Variants in MAPK10 observed in about 807,000 individuals in gnomAD.
The protein encoded by MAPK10 is mitogen-activated protein kinase 10, also known as JNK3 alpha protein kinase.
Under a neutral mutation model 59.3 loss-of-function variants are expected in MAPK10, and 25 were observed. That is an observed-to-expected ratio of 0.42 (90% CI 0.31 to 0.59). The LOEUF is 0.59. Ranked by LOEUF, MAPK10 falls within the 20% of genes least tolerant of loss-of-function variation. The pLI is 0.15. For synonymous variants in MAPK10, 190 were observed against 200.5 expected (o/e 0.95, Z 0.44); for missense variants, 351 against 568.9 (o/e 0.62, Z 3.90).
intron 1 of MAPK10, among the ~76,000 whole-genome samples, chr4:86,519,269 G>C (rs560471083): frequency 6.6e-6 from 1 of 152,258 alleles, no homozygotes; most frequent in African/African-American, 2.4e-5. Flanking sequence ...ACGTCTAGTA[G>C]TAATTGTTTT....
At chr4:86,167,992 C>T (rs2072436381) in intron 3 of MAPK10, among the ~76,000 whole-genome samples, 1 of 152,148 alleles carries the variant, frequency 6.6e-6, no homozygotes, top group African/African-American at 2.4e-5. Flanking sequence ...TTGTCTCAGC[C>T]AAAAAGCTTA....
chr4:86,420,427 C>A (rs1189732836), intron 1 of MAPK10, among the ~76,000 whole-genome samples: 2 of 152,162 alleles, frequency 1.3e-5, no homozygotes, highest in African/African-American at 4.8e-5. Context: ...CAGTATCTCA[C>A]AAGTCCAAGG....
chr4:86,460,355 G>A (rs1165841006), intron 1 of MAPK10, among the ~76,000 whole-genome samples: 6 of 152,160 alleles, frequency 3.9e-5, no homozygotes. Context: ...AGGAGAGAAG[G>A]CATAGAAAAC....
At position 86,501,756 on chromosome 4, in the gene MAPK10, T is replaced by G. The variant is rs183439902; in HGVS notation, c.-263+92154A>C. 4.0e-3 allele frequency among the ~76,000 whole-genome samples: 601 copies of G among 151,978 alleles called. 16 individuals are homozygous for G. Among genetic ancestry groups the G allele is most frequent in the Non-Finnish European group, 1.2e-3 (81 of 67,916 alleles). Reference sequence around the variant, plus strand: ...TGTCAGTTTTGAAAGACATACCAACTGGGTTCAACATTACATTGTGTCAGA... The same window carrying G: ...TGTCAGTTTTGAAAGACATACCAACGGGGTTCAACATTACATTGTGTCAGA... On this transcript the variant is annotated intron_variant, in intron 1 of 4. Transcript: ENST00000502302.
Position 86,017,056 on chromosome 4 carries a change from C to A in MAPK10, c.*172G>T. The A allele has an allele frequency of 1.5e-6, 1 of 686,690 alleles. No homozygotes were observed. Among genetic ancestry groups the A allele is most frequent in the South Asian group, 2.0e-5 (1 of 50,032 alleles). The allele number at this position is 686,690 out of a possible 1,614,324, so 42.5% of individuals were successfully genotyped here. A position where few individuals can be genotyped will look rare whatever the true frequency, so the allele number is the denominator to read the frequency against. On this transcript the variant is annotated 3_prime_UTR_variant, in exon 14 of 14. Coordinates refer to ENST00000641462, the MANE Select transcript of MAPK10 (RefSeq NM_138982.4). The surrounding 1 kb of genome is among the most constrained non-coding windows in gnomAD (Gnocchi z 4.4). The stretch of plus-strand genomic sequence containing the variant: ...TTTGAGCTTAGCTGCAATACAGAAC[C>A]CTGGGGAAGAAGCAGGCTGAAAGAT...
intron 4 of MAPK10, among the ~76,000 whole-genome samples, chr4:86,149,051 T>C (rs2065718105): frequency 6.6e-6 from 1 of 152,176 alleles, no homozygotes. Context: ...CAGCCAATAA[T>C]ATTCATGACA....
At chr4:86,167,334 T>A (rs7663388) in intron 3 of MAPK10, among the ~76,000 whole-genome samples, 22,799 of 152,072 alleles carry the variant, frequency 0.15, 1,793 homozygotes, top group African/African-American at 0.2. Context: ...TTCCAAACAA[T>A]TGAAAAGGAG....
At chr4:86,224,284 A>G (rs2090218802) in intron 2 of MAPK10, among the ~76,000 whole-genome samples, 1 of 152,184 alleles carries the variant, frequency 6.6e-6, no homozygotes, top group South Asian at 2.1e-4. Context: ...AGAAATGTAA[A>G]TTTTCAACTG....
Position 86,548,437 on chromosome 4 carries a change from G to A in MAPK10, c.-263+45473C>T, listed in dbSNP as rs189055900. On this transcript the variant is annotated intron_variant, in intron 1 of 4. Transcript: ENST00000502302. ...GTGAGACCAAGAACCCACCAATTCC[G>A]GACACAATAGTAGATAACTGCTATG... Among the ~76,000 whole-genome samples, 321 of 152,222 alleles carry A rather than the reference G, an allele frequency of 2.1e-3. 1 individual carries two copies. Among genetic ancestry groups the A allele is most frequent in the African/African-American group, 7.3e-3 (302 of 41,524 alleles).
chr4:86,159,534 G>T, intron 3 of MAPK10, 67 bp from the exon 4 acceptor site: 1 of 1,343,992 alleles, frequency 7.4e-7, no homozygotes, highest in South Asian at 1.4e-5. Flanking sequence ...GAGATGTACA[G>T]AAACTTGTTC....
rs111971622 is a variant in MAPK10, at chr4:86,214,070, T to C, written c.-6-19663A>G. 2.3e-4 allele frequency among the ~76,000 whole-genome samples: 35 copies of C among 152,188 alleles called. No homozygotes were observed. The Middle Eastern group carries it at 0.01, about 44-fold the overall frequency. On this transcript the variant is annotated intron_variant, in intron 2 of 13. Coordinates refer to ENST00000641462, the MANE Select transcript of MAPK10 (RefSeq NM_138982.4). ...ATTTATTGCTAGAATGCAAGGATGGTTCAACATACAAAAATCAATCTATGT... is the reference window on the plus strand; with the variant it reads ...ATTTATTGCTAGAATGCAAGGATGGCTCAACATACAAAAATCAATCTATGT...
chr4:86,234,905 A>G (rs1347638647), intron 2 of MAPK10, among the ~76,000 whole-genome samples: 2 of 152,202 alleles, frequency 1.3e-5, no homozygotes, highest in African/African-American at 4.8e-5. Flanking sequence ...TAAAGTAAAC[A>G]GATATTCTCA....
intron 2 of MAPK10, among the ~76,000 whole-genome samples, chr4:86,219,349 C>T (rs543303066): frequency 6.6e-6 from 1 of 152,236 alleles, no homozygotes; most frequent in South Asian, 2.1e-4. Context: ...TTTCACTTAG[C>T]AGCATAAAGA....
rs373524892 is a variant in MAPK10 at position 86,239,226 on chromosome 4, T to C, written c.-6-44819A>G. ...TTGATCATGGTGGATAAGCTTTTTA[T>C]GTGCTGCTGGATTCAGTTTGCCAGT... On this transcript the variant is annotated intron_variant, in intron 2 of 13. Transcript: ENST00000641462. Among the ~76,000 whole-genome samples the C allele has an allele frequency of 2.8e-4, 42 of 152,332 alleles. 3 individuals are homozygous for C. The South Asian group carries it at 8.5e-3, about 31-fold the overall frequency.
At chr4:86,316,912 AT>A (rs36041399) in intron 2 of MAPK10, among the ~76,000 whole-genome samples, 83,436 of 151,882 alleles carry the variant, frequency 0.55, 24,801 homozygotes, top group South Asian at 0.71. Flanking sequence ...CATGAGAGGG[AT>A]TTTTTAATGC....
At chr4:86,244,232 T>C (rs2092932025) in intron 2 of MAPK10, among the ~76,000 whole-genome samples, 1 of 152,284 alleles carries the variant, frequency 6.6e-6, no homozygotes, top group South Asian at 2.1e-4. Context: ...AAAAGAAAAG[T>C]AGTGTTTAGG....
At chr4:86,169,560 T>C (rs1163104367) in intron 3 of MAPK10, among the ~76,000 whole-genome samples, 1 of 152,140 alleles carries the variant, frequency 6.6e-6, no homozygotes, top group East Asian at 1.9e-4. Flanking sequence ...AATATGGGAC[T>C]ACGTGAAAAG....
At position 86,306,587 on chromosome 4, in the gene MAPK10, A is replaced by G. The variant is rs115270235; in HGVS notation, c.-7+47943T>C. On this transcript the variant is annotated intron_variant, in intron 2 of 13. Transcript: ENST00000641462. The stretch of plus-strand genomic sequence containing the variant: ...AAAGATATTATTACATTAGTTTTAA[A>G]ACAGTAATTACAGTGTAGTGTGCCC... 6.8e-3 allele frequency among the ~76,000 whole-genome samples: 1,043 copies of G among 152,304 alleles called. 15 individuals are homozygous for G. The highest frequency in any genetic ancestry group is 0.024 in the African/African-American group (983 of 41,578).
chr4:86,075,759 C>A (rs889499506), intron 9 of MAPK10, among the ~76,000 whole-genome samples: 10 of 152,162 alleles, frequency 6.6e-5, no homozygotes, highest in African/African-American at 1.9e-4. Context: ...ATTCTCAGAT[C>A]TCCAGCTGCG....
Sources: allele counts gnomAD v4.1 joint callset (sites outside exome capture counted in the v4.1 genomes callset), GRCh38; gene constraint gnomAD v4.1.1; non-coding constraint Gnocchi (gnomAD v3.1); transcripts MANE v1.5; gene names NCBI Gene and HGNC (gene_info 2026-07-23, HGNC 2026-07-21).